Variants in MTMR8 observed in about 807,000 individuals in gnomAD.
MTMR8 encodes the protein phosphatidylinositol-3,5-bisphosphate 3-phosphatase MTMR8.
Under a neutral mutation model 39.3 loss-of-function variants are expected in MTMR8, and 65 were observed. That is an observed-to-expected ratio of 1.65 (90% CI 1.35 to 2.03). The LOEUF is 2.03. Among genes scored for constraint, MTMR8 ranks in the 30% most tolerant of loss-of-function variants. The pLI is 0.00. For synonymous variants in MTMR8, 245 were observed against 185.2 expected, an observed-to-expected ratio of 1.32 and a Z score of -2.62; for missense variants, 777 against 538.9, an observed-to-expected ratio of 1.44 and a Z score of -4.37.
In MTMR8 at chrX:64,336,100, A is replaced by G; in HGVS notation, c.1130T>C (p.Met377Thr). The G allele has an allele frequency of 1.7e-6, 2 of 1,194,538 alleles. No homozygotes were observed. The highest frequency in any genetic ancestry group is 2.3e-4 in the Middle Eastern group (1 of 4,281). The part of the protein sequence containing the change: ...MILIEKEWIS[M>T]GHKFSQRCGH... ...TTACCTTTGGGAAAACTTGTGGCCC[A>G]TGGATATCCATTCCTTCTCTATCAA... is the stretch of plus-strand genomic sequence containing the variant. Residue 377 changes from methionine to threonine, a missense_variant, in exon 10 of 14, where the codon ATG becomes ACG. Transcript: ENST00000374852.
chrX:64,283,441 T>A (rs1240809183), intron 12 of MTMR8, among the ~76,000 whole-genome samples: 1 of 111,941 alleles, frequency 8.9e-6, no homozygotes, highest in Non-Finnish European at 1.9e-5. Context: ...CTCTGCAGAT[T>A]TAAATGTCTC....
At chrX:64,327,583 T>C (rs778003145) in intron 12 of MTMR8, among the ~76,000 whole-genome samples, 2 of 112,373 alleles carry the variant, frequency 1.8e-5, no homozygotes, top group African/African-American at 6.4e-5. Flanking sequence ...TCAGTGGAAA[T>C]GTAAATTCGT....
At chrX:64,301,824 C>T (rs959121852) in intron 12 of MTMR8, among the ~76,000 whole-genome samples, 23 of 111,662 alleles carry the variant, frequency 2.1e-4, no homozygotes, top group African/African-American at 6.5e-4. Context: ...AATACCCTGC[C>T]GTGTGAGGTG....
intron 12 of MTMR8, chrX:64,305,779 T>G: frequency 2.6e-6 from 1 of 390,523 alleles, no homozygotes; most frequent in Non-Finnish European, 4.9e-6. Context: ...ATTTCCTGTA[T>G]GGTTTCCATT....
intron 12 of MTMR8, among the ~76,000 whole-genome samples, chrX:64,317,200 T>G (rs1041683273): frequency 9.0e-6 from 1 of 111,690 alleles, no homozygotes; most frequent in Non-Finnish European, 1.9e-5. Flanking sequence ...TTATCCTGTT[T>G]GATGTTCACT....
Position 64,363,627 on chromosome X carries a change from T to A in MTMR8, c.25-4100A>T, listed in dbSNP as rs1353355194. Among the ~76,000 whole-genome samples the A allele has an allele frequency of 3.6e-5, 4 of 111,898 alleles. No homozygotes were observed. The East Asian group carries it at 1.1e-3, about 32-fold the overall frequency. ...AATTACTCAGTCTCTTCTTTTCTAA[T>A]ATGGCCGAATAGGAACAGCTACAGT... On this transcript the variant is annotated intron_variant, in intron 1 of 13. Transcript: ENST00000374852.
intron 1 of MTMR8, among the ~76,000 whole-genome samples, chrX:64,372,993 G>A (rs752053428): frequency 1.8e-5 from 2 of 111,931 alleles, no homozygotes; most frequent in African/African-American, 6.5e-5. Flanking sequence ...AATCTAGGAA[G>A]TATGTCCAAG....
At chrX:64,365,793 C>T (rs1195322577) in intron 1 of MTMR8, among the ~76,000 whole-genome samples, 1 of 111,448 alleles carries the variant, frequency 9.0e-6, no homozygotes. Flanking sequence ...GCTAAACACC[C>T]CAATTAAAAG....
At chrX:64,298,506 C>T (rs1172879073) in intron 12 of MTMR8, among the ~76,000 whole-genome samples, 40 of 82,633 alleles carry the variant, frequency 4.8e-4, no homozygotes, top group East Asian at 2.7e-3. Context: ...TCTAGATATA[C>T]AATCATGTCA....
intron 12 of MTMR8, among the ~76,000 whole-genome samples, chrX:64,309,291 G>C (rs1922222372): frequency 9.0e-6 from 1 of 111,537 alleles, no homozygotes; most frequent in Admixed American, 9.6e-5. Context: ...GATTTTTATA[G>C]TTTTCCTTGT....
chrX:64,337,311 CT>C lies in MTMR8; in HGVS notation c.1057del (p.Ser353AlafsTer4), dbSNP rs1923103883. ...CCTATAAAATGGATCTAGGAGGATGCTAGCCACTGAGCAGACTTGTGCTGTG... is the reference window on the plus strand; with the variant it reads ...CCTATAAAATGGATCTAGGAGGATGCAGCCACTGAGCAGACTTGTGCTGTG... ...DRTAQVCSVA[S>X]ILLDPFYRTF... On this transcript the variant is annotated frameshift_variant, in exon 9 of 14. Transcript: ENST00000374852. LOFTEE classifies it high-confidence loss of function. The C allele has an allele frequency of 8.3e-7, 1 of 1,208,040 alleles. No individual in the cohort carries two copies. Among genetic ancestry groups the C allele is most frequent in the Non-Finnish European group, 1.1e-6 (1 of 893,952 alleles).
At chrX:64,387,158 C>G (rs903988194) in intron 1 of MTMR8, among the ~76,000 whole-genome samples, 2 of 111,536 alleles carry the variant, frequency 1.8e-5, no homozygotes, top group African/African-American at 6.5e-5. Flanking sequence ...CTCACTCACT[C>G]ACACTCAGGA....
In MTMR8 at chrX:64,353,838, G is replaced by A. The variant is rs145562510; in HGVS notation, c.468+939C>T. ...GCTACATGGGAGGCTGAGATGGGAG[G>A]ACCACTTGAGCCCAAGAGATTGAGG... On this transcript the variant is annotated intron_variant, in intron 4 of 13. Coordinates refer to ENST00000374852, the MANE Select transcript of MTMR8 (RefSeq NM_017677.4). Among the ~76,000 whole-genome samples the A allele has an allele frequency of 9.2e-3, 1,013 of 110,423 alleles. 14 individuals are homozygous for A. The highest frequency in any genetic ancestry group is 0.043 in the Admixed American group (442 of 10,342).
At chrX:64,322,260 G>A (rs1292007153) in intron 12 of MTMR8, among the ~76,000 whole-genome samples, 1 of 110,524 alleles carries the variant, frequency 9.0e-6, no homozygotes, top group Non-Finnish European at 1.9e-5. Context: ...GCCTCCCAAA[G>A]TGATGGGATT....
chrX:64,316,104 G>T (rs559881447), intron 12 of MTMR8, among the ~76,000 whole-genome samples: 2 of 111,264 alleles, frequency 1.8e-5, no homozygotes, highest in Non-Finnish European at 3.8e-5. Flanking sequence ...ATCAGATAGC[G>T]TTATAATTTT....
intron 1 of MTMR8, among the ~76,000 whole-genome samples, chrX:64,390,951 G>A (rs767091098): frequency 5.4e-5 from 6 of 112,066 alleles, no homozygotes; most frequent in South Asian, 7.4e-4. Flanking sequence ...AGCCAACCAG[G>A]CCCAGACAAA....
At chrX:64,381,780 A>G (rs1924433027) in intron 1 of MTMR8, among the ~76,000 whole-genome samples, 2 of 111,324 alleles carry the variant, frequency 1.8e-5, no homozygotes, top group Admixed American at 1.9e-4. Context: ...TAATTTTTGT[A>G]TAAGGTGTAA....
chrX:64,345,007 C>T (rs770907852), intron 7 of MTMR8, 38 bp downstream of exon 7: 19 of 1,198,589 alleles, frequency 1.6e-5, no homozygotes, highest in South Asian at 1.5e-4. Context: ...TAACGCAAAG[C>T]TATGGCCGCT....
chrX:64,384,860 AT>A (rs1451772719), intron 1 of MTMR8, among the ~76,000 whole-genome samples: 1 of 112,243 alleles, frequency 8.9e-6, no homozygotes, highest in Non-Finnish European at 1.9e-5. Flanking sequence ...GGCTATCACT[AT>A]TTGCCTCATT....
Sources: gnomAD v4.1 joint callset for allele counts (sites outside exome capture counted in the v4.1 genomes callset) on GRCh38, gnomAD v4.1.1 for gene constraint, MANE v1.5 for transcripts, NCBI Gene and HGNC (gene_info 2026-07-23, HGNC 2026-07-21) for gene names.